Variants in PCMTD1 observed in about 807,000 individuals in gnomAD.
PCMTD1 encodes protein-L-isoaspartate (D-aspartate) O-methyltransferase domain containing 1.
Under a neutral mutation model 37.6 loss-of-function variants are expected in PCMTD1, and 12 were observed. The ratio of observed to expected loss-of-function variants is 0.32; its 90% confidence interval spans 0.20 to 0.52. The LOEUF (loss-of-function observed/expected upper bound fraction) is 0.52, where lower values mean the gene tolerates loss of function less well. Ranked by LOEUF, PCMTD1 falls within the 20% of genes least tolerant of loss-of-function variation. The pLI, the probability that PCMTD1 is intolerant of heterozygous loss-of-function variation, is 0.97. For synonymous variants in PCMTD1, 117 were observed against 135.8 expected (o/e 0.86, Z 0.96); for missense variants, 235 against 421.3 (o/e 0.56, Z 3.87).
intron 5 of PCMTD1, among the ~76,000 whole-genome samples, chr8:51,821,709 A>G (rs1266522230): frequency 6.6e-6 from 1 of 151,988 alleles, no homozygotes; most frequent in Non-Finnish European, 1.5e-5. Context: ...CAAAACGCCA[A>G]TGATATGATA....
At chr8:51,887,745 CTT>C (rs11438175) in intron 1 of PCMTD1, among the ~76,000 whole-genome samples, 5 of 136,276 alleles carry the variant, frequency 3.7e-5, no homozygotes, top group Non-Finnish European at 4.6e-5. Context: ...TTCATAATTT[CTT>C]TTTTTTTTTT....
intron 1 of PCMTD1, among the ~76,000 whole-genome samples, chr8:51,875,209 C>T (rs193064830): frequency 5.6e-4 from 85 of 152,206 alleles, no homozygotes; most frequent in African/African-American, 2.0e-3. Context: ...GCTTGTAGAA[C>T]ATTTTAAGGA....
At chr8:51,849,300 T>C (rs2038270245) in intron 2 of PCMTD1, 1 of 152,114 alleles carries the variant, frequency 6.6e-6, no homozygotes, top group Admixed American at 6.5e-5. Flanking sequence ...AATATATAGC[T>C]AATAGGTACA....
At chr8:51,821,549 G>A (rs2037848418) in intron 5 of PCMTD1, among the ~76,000 whole-genome samples, 1 of 152,086 alleles carries the variant, frequency 6.6e-6, no homozygotes, top group Non-Finnish European at 1.5e-5. Flanking sequence ...ATATCTGCCA[G>A]GCACTGTTAA....
At chr8:51,828,962 A>G (rs1354124439) in intron 5 of PCMTD1, among the ~76,000 whole-genome samples, 1 of 151,960 alleles carries the variant, frequency 6.6e-6, no homozygotes, top group African/African-American at 2.4e-5. Context: ...TTCTTATTTT[A>G]CCTTTCATTT....
chr8:51,833,025 T>C (rs2129276278), intron 4 of PCMTD1, among the ~76,000 whole-genome samples: 1 of 152,230 alleles, frequency 6.6e-6, no homozygotes, highest in Non-Finnish European at 1.5e-5. Flanking sequence ...TGTATCTGTT[T>C]GTAGAGACGG....
At chr8:51,871,172 G>A (rs1322556550) in intron 1 of PCMTD1, among the ~76,000 whole-genome samples, 4 of 152,122 alleles carry the variant, frequency 2.6e-5, no homozygotes, top group Non-Finnish European at 5.9e-5. Context: ...CAAAGCTATC[G>A]CCTACTGACC....
chr8:51,886,491 G>A (rs576321156), intron 1 of PCMTD1, among the ~76,000 whole-genome samples: 70 of 152,138 alleles, frequency 4.6e-4, no homozygotes, highest in African/African-American at 1.6e-3. Context: ...ATTCCTATAT[G>A]CCATTTTGAT....
intron 3 of PCMTD1, among the ~76,000 whole-genome samples, chr8:51,836,983 A>C (rs1012414714): frequency 6.6e-6 from 1 of 152,238 alleles, no homozygotes; most frequent in Non-Finnish European, 1.5e-5. Flanking sequence ...AACAGGCCAA[A>C]AAAGGAAAAA....
chr8:51,892,945 T>C (rs1364037215), intron 1 of PCMTD1, among the ~76,000 whole-genome samples: 2 of 152,244 alleles, frequency 1.3e-5, no homozygotes. Context: ...ATTTTCAGTT[T>C]ATATATTTTT....
chr8:51,897,573 TCA>T (rs1406473108), intron 1 of PCMTD1, among the ~76,000 whole-genome samples: 1 of 152,154 alleles, frequency 6.6e-6, no homozygotes, highest in Non-Finnish European at 1.5e-5. Flanking sequence ...TTTTATGGAG[TCA>T]TCTAGCCTCA....
chr8:51,899,124 A>T, upstream of PCMTD1: 2 of 1,408,996 alleles, frequency 1.4e-6, no homozygotes, highest in Non-Finnish European at 1.9e-6. Flanking sequence ...GCAGAGAACC[A>T]CGGGCACAGG....
intron 2 of PCMTD1, among the ~76,000 whole-genome samples, chr8:51,855,564 T>TA (rs1451479777): frequency 3.6e-4 from 28 of 78,764 alleles, no homozygotes; most frequent in South Asian, 1.6e-3. Context: ...AAATTCCTTT[T>TA]AAAAAAAAAG....
intron 1 of PCMTD1, among the ~76,000 whole-genome samples, chr8:51,898,306 C>A (rs1472337839): frequency 6.6e-6 from 1 of 152,134 alleles, no homozygotes; most frequent in East Asian, 1.9e-4. Context: ...CTCCCCATGC[C>A]GGTGTCTGAA....
rs1166191101 is a variant in PCMTD1, at chr8:51,847,160, GAGTAAA to G, written c.308-1403_308-1398del. On this transcript the variant is annotated intron_variant, in intron 2 of 5. Transcript: ENST00000522514. ...TAATTCCTATTACTCCAGATAAACT[GAGTAAA>G]ACTAAAATTTTTATATTCAAAATAA... Among the ~76,000 whole-genome samples, 3 of 152,036 alleles carry G rather than the reference GAGTAAA, an allele frequency of 2.0e-5. No homozygotes were observed. In the East Asian group the frequency reaches 5.8e-4, roughly 29 times the overall value.
At chr8:51,831,388 T>C in intron 5 of PCMTD1, 56 bp downstream of exon 5, 2 of 1,533,826 alleles carry the variant, frequency 1.3e-6, no homozygotes, top group Non-Finnish European at 1.8e-6. Flanking sequence ...ATCCCAAGCA[T>C]AAAAGCCAAA....
chr8:51,898,176 T>C (rs1407253319), intron 1 of PCMTD1, among the ~76,000 whole-genome samples: 1 of 152,180 alleles, frequency 6.6e-6, no homozygotes, highest in Non-Finnish European at 1.5e-5. Flanking sequence ...TGATTTGTAA[T>C]GTTAAAAATA....
intron 3 of PCMTD1, among the ~76,000 whole-genome samples, chr8:51,842,341 T>C (rs941219948): frequency 3.3e-5 from 5 of 152,132 alleles, no homozygotes; most frequent in Non-Finnish European, 7.4e-5. Flanking sequence ...ATGTTTGTAT[T>C]TTATTTGGAG....
intron 2 of PCMTD1, among the ~76,000 whole-genome samples, chr8:51,847,510 CCA>C (rs2038239249): frequency 6.6e-6 from 1 of 151,986 alleles, no homozygotes. Flanking sequence ...ACCTGTAATC[CCA>C]GTTTCTTGGG....
Sources: allele counts gnomAD v4.1 joint callset (sites outside exome capture counted in the v4.1 genomes callset), GRCh38; gene constraint gnomAD v4.1.1; transcripts MANE v1.5; gene names NCBI Gene and HGNC (gene_info 2026-07-23, HGNC 2026-07-21).